Variants in EMSY observed in about 807,000 individuals in gnomAD.
EMSY encodes the protein EMSY transcriptional repressor, BRCA2 interacting, also known as BRCA2-interacting transcriptional repressor EMSY.
A neutral mutation model predicts 134.6 loss-of-function variants in EMSY; 26 were observed. That is an observed-to-expected ratio of 0.19 (90% CI 0.14 to 0.27). EMSY has a LOEUF of 0.27. EMSY is among the 10% of genes least tolerant of loss of function. The pLI is 1.00. For synonymous variants in EMSY, 579 were observed against 577.8 expected, an observed-to-expected ratio of 1.00 and a Z score of -0.03; for missense variants, 1,305 against 1,611.4, an observed-to-expected ratio of 0.81 and a Z score of 3.26.
At chr11:76,491,045 T>A (rs1480861765) in intron 8 of EMSY, among the ~76,000 whole-genome samples, 2 of 152,196 alleles carry the variant, frequency 1.3e-5, no homozygotes, top group East Asian at 3.8e-4. Flanking sequence ...TCCTGATATG[T>A]AACCAAATAA....
chr11:76,459,654 A>G, intron 5 of EMSY: 2 of 321,980 alleles, frequency 6.2e-6, no homozygotes, highest in Non-Finnish European at 1.1e-5. Context: ...ATTTTTTCTC[A>G]GTATAATTTT....
intron 8 of EMSY, among the ~76,000 whole-genome samples, chr11:76,485,433 CA>C (rs1257120348): frequency 6.6e-6 from 1 of 152,148 alleles, no homozygotes; most frequent in African/African-American, 2.4e-5. Flanking sequence ...TAAACAGAGC[CA>C]ATGACAAAAA....
intron 7 of EMSY, among the ~76,000 whole-genome samples, chr11:76,470,433 A>C (rs1948525950): frequency 6.6e-6 from 1 of 152,190 alleles, no homozygotes; most frequent in Non-Finnish European, 1.5e-5. Flanking sequence ...TAGGAGATTT[A>C]AATAAGCCAA....
chr11:76,538,166 A>G (rs1019051333), intron 16 of EMSY, among the ~76,000 whole-genome samples: 2 of 152,242 alleles, frequency 1.3e-5, no homozygotes, highest in African/African-American at 4.8e-5. Context: ...TAAAACTACA[A>G]GTCAGCCATA....
intron 7 of EMSY, 109 bp from the exon 9 acceptor site, chr11:76,472,455 C>A: frequency 9.4e-7 from 1 of 1,059,422 alleles, no homozygotes; most frequent in Non-Finnish European, 1.3e-6. Flanking sequence ...TGTTGAATTG[C>A]TTCTTCGTTT....
rs1951828374 is a variant in EMSY at position 76,551,262 on chromosome 11, G to C, written c.*1116G>C. ...TAGAGTGAAAGGGGTAAGGGGGTGG[G>C]AGGGTAAGAGTTTTGACAAGTTGTG... is the stretch of plus-strand genomic sequence containing the variant. On this transcript the variant is annotated 3_prime_UTR_variant, in exon 21 of 21. Coordinates refer to ENST00000334736, the Ensembl canonical transcript of EMSY. The C allele has an allele frequency of 2.0e-5, 3 of 152,474 alleles. No individual in the cohort carries two copies. The South Asian group carries it at 6.2e-4, about 32-fold the overall frequency. 9.4% of individuals were successfully genotyped at this position (152,474 alleles called of 1,614,324 possible). A position where few individuals can be genotyped will look rare whatever the true frequency, so the allele number is the denominator to read the frequency against.
At chr11:76,536,108 G>A (rs763852921) in intron 15 of EMSY, 49 bp downstream of exon 16, 16 of 1,281,576 alleles carry the variant, frequency 1.2e-5, no homozygotes, top group Middle Eastern at 2.0e-4. Context: ...CTCTAGAGAC[G>A]GGTTGTGCTA....
chr11:76,546,204 T>C (rs771137266), exon 20 of EMSY: 1 of 1,614,130 alleles, frequency 6.2e-7, no homozygotes, highest in South Asian at 1.1e-5. Flanking sequence ...GGAAAATTGA[T>C]CCACCAGCAG....
At chr11:76,471,215 A>T (rs906305740) in intron 7 of EMSY, among the ~76,000 whole-genome samples, 3 of 152,112 alleles carry the variant, frequency 2.0e-5, no homozygotes, top group Non-Finnish European at 4.4e-5. Flanking sequence ...ATGATTTTTT[A>T]AAAAATGGAC....
exon 5 of EMSY, chr11:76,458,193 C>A (rs147756523): frequency 6.2e-7 from 1 of 1,612,826 alleles, no homozygotes; most frequent in Non-Finnish European, 8.5e-7. Flanking sequence ...TATGTCTGGA[C>A]CTAATAGCTC....
At chr11:76,504,394 G>A (rs1388822451) in intron 9 of EMSY, among the ~76,000 whole-genome samples, 1 of 151,734 alleles carries the variant, frequency 6.6e-6, no homozygotes, top group African/African-American at 2.4e-5. Flanking sequence ...TTTCTTCAGG[G>A]AAAATATATA....
exon 9 of EMSY, chr11:76,496,231 A>C (rs1949650116): frequency 6.2e-7 from 1 of 1,613,892 alleles, no homozygotes; most frequent in Non-Finnish European, 8.5e-7. Flanking sequence ...CTACATCAGC[A>C]ATCAAAATGG....
chr11:76,521,665 G>A (rs1165482397), intron 11 of EMSY, among the ~76,000 whole-genome samples: 2 of 151,886 alleles, frequency 1.3e-5, no homozygotes, highest in African/African-American at 4.8e-5. Context: ...CTAAGAGGCT[G>A]AGATGGGAGG....
At chr11:76,457,143 T>A (rs2134987934) in intron 4 of EMSY, among the ~76,000 whole-genome samples, 1 of 152,114 alleles carries the variant, frequency 6.6e-6, no homozygotes, top group African/African-American at 2.4e-5. Flanking sequence ...TCATCATTAC[T>A]ATCATTATTA....
chr11:76,481,508 G>A (rs1055369414), intron 8 of EMSY, among the ~76,000 whole-genome samples: 1 of 152,156 alleles, frequency 6.6e-6, no homozygotes, highest in Non-Finnish European at 1.5e-5. Context: ...TGAAATTCTC[G>A]CTGCCAGCAC....
chr11:76,449,623 C>T (rs1338515196), intron 2 of EMSY, among the ~76,000 whole-genome samples: 1 of 152,136 alleles, frequency 6.6e-6, no homozygotes, highest in Non-Finnish European at 1.5e-5. Context: ...CAAAATCTGA[C>T]TGCCTTCTGT....
At chr11:76,525,910 G>T (rs1950828839) in intron 12 of EMSY, among the ~76,000 whole-genome samples, 1 of 151,802 alleles carries the variant, frequency 6.6e-6, no homozygotes, top group Admixed American at 6.6e-5. Context: ...GATTTTGCTT[G>T]CCCATACTTT....
At chr11:76,505,383 T>G (rs2135982589) in intron 9 of EMSY, among the ~76,000 whole-genome samples, 1 of 144,830 alleles carries the variant, frequency 6.9e-6, no homozygotes, top group South Asian at 2.3e-4. Flanking sequence ...TTTTTTTTTG[T>G]AGAGATGGGT....
intron 7 of EMSY, among the ~76,000 whole-genome samples, chr11:76,465,242 G>A (rs1366251485): frequency 6.6e-6 from 1 of 151,854 alleles, no homozygotes; most frequent in Non-Finnish European, 1.5e-5. Context: ...TTTTCCATTT[G>A]TTTGCATTGT....
Sources: allele counts gnomAD v4.1 joint callset (sites outside exome capture counted in the v4.1 genomes callset), GRCh38; gene constraint gnomAD v4.1.1; transcripts MANE v1.5; gene names NCBI Gene and HGNC (gene_info 2026-07-23, HGNC 2026-07-21).